The following BRIP1 variants were observed in gnomAD, a reference collection of about 807,000 sequenced individuals.
BRIP1 encodes the protein BRCA1 interacting DNA helicase 1.
BRIP1 carries 88 observed loss-of-function variants against 119.7 expected under a neutral mutation model. The ratio of observed to expected loss-of-function variants is 0.74; its 90% confidence interval spans 0.62 to 0.88. The LOEUF (loss-of-function observed/expected upper bound fraction) is 0.88, where lower values mean the gene tolerates loss of function less well. BRIP1 is among the 40% of genes least tolerant of loss of function. The pLI is 0.00. For synonymous variants in BRIP1, 443 were observed against 496.5 expected, an observed-to-expected ratio of 0.89 and a Z score of 1.43; for missense variants, 1,259 against 1,455.4, an observed-to-expected ratio of 0.87 and a Z score of 2.20.
At chr17:61,836,771 G>A (rs2078580788) in intron 6 of BRIP1, among the ~76,000 whole-genome samples, 1 of 152,146 alleles carries the variant, frequency 6.6e-6, no homozygotes, top group African/African-American at 2.4e-5. Flanking sequence ...TTGGTGTTGA[G>A]ACACTAAAAA....
chr17:61,732,633 C>A (rs992909096), intron 16 of BRIP1, among the ~76,000 whole-genome samples: 1 of 151,910 alleles, frequency 6.6e-6, no homozygotes, highest in African/African-American at 2.4e-5. Flanking sequence ...ACAAATTAAG[C>A]TCTTAAAAAA....
rs982688682 is a variant in BRIP1, at chr17:61,789,238, T to C, written c.1473+4359A>G. Among the ~76,000 whole-genome samples the C allele has an allele frequency of 5.9e-5, 9 of 151,690 alleles. No homozygotes were observed. The highest frequency in any genetic ancestry group is 2.2e-4 in the African/African-American group (9 of 41,274). ...GCTATGAATGCACCATTGCACTTCA[T>C]TCCGGGCAACACAGCAAGACTCTGT... On this transcript the variant is annotated intron_variant, in intron 10 of 19. Transcript: ENST00000259008. This position sits in a 1 kb window ranked among gnomAD's most constrained non-coding sequence, Gnocchi z 4.8.
intron 13 of BRIP1, among the ~76,000 whole-genome samples, chr17:61,777,339 G>A (rs1335353955): frequency 6.6e-6 from 1 of 152,148 alleles, no homozygotes; most frequent in Non-Finnish European, 1.5e-5. Flanking sequence ...AAATGTGTGG[G>A]AGGTTTTTTC....
chr17:61,680,679 C>T lies in BRIP1; in HGVS notation c.*2617G>A, dbSNP rs1350621108. The stretch of plus-strand genomic sequence containing the variant: ...TATTTTTAGTAGAGACGGGGTTTCA[C>T]CGTGTTAACCAGGATGGTCTCGATC... On this transcript the variant is annotated 3_prime_UTR_variant, in exon 20 of 20. Coordinates refer to ENST00000259008, the MANE Select transcript of BRIP1 (RefSeq NM_032043.3). Among the ~76,000 whole-genome samples the T allele has an allele frequency of 6.6e-6, 1 of 151,886 alleles. No homozygotes were observed. Among genetic ancestry groups the T allele is most frequent in the African/African-American group, 2.4e-5 (1 of 41,368 alleles).
chr17:61,815,011 T>G lies in BRIP1; in HGVS notation c.628-6254A>C, dbSNP rs930831232. ...AATAAGTTGATGATAGAAATAAAAA[T>G]ATAAAACTTCAGGTAGAGAGTGAGG... On this transcript the variant is annotated intron_variant, in intron 6 of 19. Transcript: ENST00000259008. This position sits in a 1 kb window ranked among gnomAD's most constrained non-coding sequence, Gnocchi z 4.1. 6.6e-6 allele frequency among the ~76,000 whole-genome samples: 1 copy of G among 150,410 alleles called. No homozygotes were observed. The highest frequency in any genetic ancestry group is 6.6e-5 in the Admixed American group (1 of 15,044).
At chr17:61,785,935 G>C (rs530625970) in intron 10 of BRIP1, among the ~76,000 whole-genome samples, 2 of 151,192 alleles carry the variant, frequency 1.3e-5, no homozygotes, top group Admixed American at 1.3e-4. Flanking sequence ...GGTTGGGGGG[G>C]GTAGAAAAAT....
rs2061354305 is a variant in BRIP1 at position 61,685,926 on chromosome 17, C to A, written c.2815G>T (p.Ala939Ser). 6.2e-7 allele frequency: 1 copy of A among 1,614,032 alleles called. No individual in the cohort carries two copies. The highest frequency in any genetic ancestry group is 8.5e-7 in the Non-Finnish European group (1 of 1,179,932). ...LSPENFVEDE[A>S]KICVQELQCP... Reference sequence around the variant, plus strand: ...TGTAGTTCCTGGACACATATCTTTGCTTCATCTTCCACAAAATTTTCTGGT... The same window carrying A: ...TGTAGTTCCTGGACACATATCTTTGATTCATCTTCCACAAAATTTTCTGGT... The change falls in exon 19 of 20, where the codon GCA becomes TCA. Residue 939 changes from alanine to serine, a missense_variant. Physicochemically the swap from Ala to Ser is moderately conservative, Grantham distance 99. This residue lies in a region of BRIP1 where 753 missense variants were observed against 891.8 expected (regional missense o/e 0.84). Coordinates refer to ENST00000259008, the MANE Select transcript of BRIP1 (RefSeq NM_032043.3).
Position 61,729,390 on chromosome 17 carries a change from A to G in BRIP1, c.2380-13327T>C, listed in dbSNP as rs2076814101. 6.6e-6 allele frequency among the ~76,000 whole-genome samples: 1 copy of G among 152,154 alleles called. No homozygotes were observed. The highest frequency in any genetic ancestry group is 2.4e-5 in the African/African-American group (1 of 41,438). On this transcript the variant is annotated intron_variant, in intron 16 of 19. Coordinates refer to ENST00000259008, the MANE Select transcript of BRIP1 (RefSeq NM_032043.3). This position sits in a 1 kb window ranked among gnomAD's most constrained non-coding sequence, Gnocchi z 5.6. ...TAATGTACATAATAACTATAGATTT[A>G]ATTAAAAATTGTAATGTAACTATCT...
Position 61,695,347 on chromosome 17 carries a change from C to A in BRIP1, c.2493-1835G>T, listed in dbSNP as rs543796598. Among the ~76,000 whole-genome samples, 1 of 152,146 alleles carries A rather than the reference C, an allele frequency of 6.6e-6. No individual in the cohort carries two copies. The highest frequency in any genetic ancestry group is 2.1e-4 in the South Asian group (1 of 4,824). On this transcript the variant is annotated intron_variant, in intron 17 of 19. Transcript: ENST00000259008. This position sits in a 1 kb window ranked among gnomAD's most constrained non-coding sequence, Gnocchi z 4.3. ...CCTCAATTCTACCCATTGATCTATA[C>A]ATCTGTCTTTATGCCAGTACAACAT... is the stretch of plus-strand genomic sequence containing the variant.
chr17:61,770,387 A>G lies in BRIP1; in HGVS notation c.2097+6014T>C, dbSNP rs75786429. 2.1e-3 allele frequency among the ~76,000 whole-genome samples: 318 copies of G among 152,334 alleles called. 11 individuals carry two copies. The East Asian group carries it at 0.055, about 26-fold the overall frequency. On this transcript the variant is annotated intron_variant, in intron 14 of 19. Coordinates refer to ENST00000259008, the MANE Select transcript of BRIP1 (RefSeq NM_032043.3). The surrounding 1 kb of genome is among the most constrained non-coding windows in gnomAD (Gnocchi z 4.7). ...TTTAGGGACATTGGAGAGTAACTCA[A>G]GTCCACATTAAGAATTAATTAAAGA...
Position 61,847,235 on chromosome 17 carries a change from C to A in BRIP1, c.508-15G>T, listed in dbSNP as rs1057523603. 1 of 1,613,446 alleles carries A rather than the reference C, an allele frequency of 6.2e-7. No individual in the cohort carries two copies. Among genetic ancestry groups the A allele is most frequent in the Non-Finnish European group, 8.5e-7 (1 of 1,179,614 alleles). On this transcript the variant is annotated splice_polypyrimidine_tract_variant and intron_variant, in intron 5 of 19. Transcript: ENST00000259008. ...CGTTTTCTAATCTGTAAACACAGAA[C>A]CAAAATGAAGTTTAAGGTGAACTAG... is the stretch of plus-strand genomic sequence containing the variant.
chr17:61,769,183 G>T lies in BRIP1; in HGVS notation c.2097+7218C>A, dbSNP rs1372740362. Among the ~76,000 whole-genome samples, 1 of 152,172 alleles carries T rather than the reference G, an allele frequency of 6.6e-6. No individual in the cohort carries two copies. Among genetic ancestry groups the T allele is most frequent in the African/African-American group, 2.4e-5 (1 of 41,446 alleles). The stretch of plus-strand genomic sequence containing the variant: ...TGAGACCACAACCCCAGTTGACTCT[G>T]CTGGGAGCCTTGTAATACACTGAGA... On this transcript the variant is annotated intron_variant, in intron 14 of 19. Transcript: ENST00000259008. The surrounding 1 kb of genome is among the most constrained non-coding windows in gnomAD (Gnocchi z 4.9).
chr17:61,765,819 C>T (rs548945156), intron 14 of BRIP1, among the ~76,000 whole-genome samples: 13 of 101,518 alleles, frequency 1.3e-4, no homozygotes, highest in African/African-American at 4.9e-4. Context: ...ACATAAATGA[C>T]TATATTCATG....
intron 14 of BRIP1, among the ~76,000 whole-genome samples, chr17:61,772,355 CA>C (rs2077468408): frequency 6.6e-6 from 1 of 151,212 alleles, no homozygotes. Flanking sequence ...CTACAATAGC[CA>C]AATTCACAGA....
Position 61,758,726 on chromosome 17 carries a change from T to C in BRIP1, c.2098-14135A>G, listed in dbSNP as rs1233533966. Among the ~76,000 whole-genome samples, 46 of 152,044 alleles carry C rather than the reference T, an allele frequency of 3.0e-4. No homozygotes were observed. The highest frequency in any genetic ancestry group is 3.0e-3 in the Admixed American group (46 of 15,228). ...CTGGGTGGGCGTGGTCACTCATGCC[T>C]GTAATTCCAGCACTTTAGGAGGCTG... is the stretch of plus-strand genomic sequence containing the variant. On this transcript the variant is annotated intron_variant, in intron 14 of 19. Coordinates refer to ENST00000259008, the MANE Select transcript of BRIP1 (RefSeq NM_032043.3). This position sits in a 1 kb window ranked among gnomAD's most constrained non-coding sequence, Gnocchi z 5.3.
chr17:61,860,862 T>G lies in BRIP1; in HGVS notation c.93+585A>C, dbSNP rs1318713130. On this transcript the variant is annotated intron_variant, in intron 2 of 19. Transcript: ENST00000259008. This position sits in a 1 kb window ranked among gnomAD's most constrained non-coding sequence, Gnocchi z 4.1. ...TAATGCTAAGTTAAAAAACTCAAGT[T>G]CTGCATAAAAAGTAAGGTACCGTAT... 3.9e-5 allele frequency among the ~76,000 whole-genome samples: 6 copies of G among 152,292 alleles called. No individual in the cohort carries two copies.
At position 61,757,836 on chromosome 17, in the gene BRIP1, CA is replaced by C. The variant is rs557949135; in HGVS notation, c.2098-13246del. Among the ~76,000 whole-genome samples, 4 of 151,158 alleles carry C rather than the reference CA, an allele frequency of 2.6e-5. No homozygotes were observed. The highest frequency in any genetic ancestry group is 4.9e-5 in the African/African-American group (2 of 41,162). ...GCAACATGGCTAAACCCCATCTCTA[CA>C]AAAAAAATAACTGGGCATGGTGGTA... On this transcript the variant is annotated intron_variant, in intron 14 of 19. Coordinates refer to ENST00000259008, the MANE Select transcript of BRIP1 (RefSeq NM_032043.3). This position sits in a 1 kb window ranked among gnomAD's most constrained non-coding sequence, Gnocchi z 4.3.
At chr17:61,859,149 G>C (rs747687630) in intron 3 of BRIP1, among the ~76,000 whole-genome samples, 8 of 151,010 alleles carry the variant, frequency 5.3e-5, no homozygotes, top group Admixed American at 4.0e-4. Flanking sequence ...TAAACAAGTA[G>C]AAAGATCAAC....
chr17:61,786,974 TTATAAATTTA>T (rs201940823), intron 10 of BRIP1, among the ~76,000 whole-genome samples: 88,200 of 113,206 alleles, frequency 0.78, 34,800 homozygotes, highest in African/African-American at 0.86. Flanking sequence ...ATATTTATAT[TTATAAATTTA>T]TATAAATTTA....
Sources: allele counts gnomAD v4.1 joint callset (sites outside exome capture counted in the v4.1 genomes callset), GRCh38; gene constraint gnomAD v4.1.1; regional missense constraint gnomAD v4.1.1; non-coding constraint Gnocchi (gnomAD v3.1); transcripts MANE v1.5; gene names NCBI Gene and HGNC (gene_info 2026-07-23, HGNC 2026-07-21).